Variants in MRPS12 observed in about 807,000 individuals in gnomAD.
MRPS12 encodes the protein mitochondrial ribosomal protein S12, also known as small ribosomal subunit protein uS12m.
A neutral mutation model predicts 8.4 loss-of-function variants in MRPS12; 7 were observed. That is an observed-to-expected ratio of 0.83 (90% CI 0.47 to 1.56). MRPS12 has a LOEUF of 1.56. Ranked by LOEUF, MRPS12 falls within the 40% of genes most tolerant of loss-of-function variation. The probability of loss-of-function intolerance (pLI) is 0.01; values close to 1 mark genes in which losing one functional copy is unlikely to be tolerated. For missense variants in MRPS12, 200 were observed against 194.1 expected (o/e 1.03, Z -0.18); for synonymous variants, 84 against 84.1 (o/e 1.00, Z 0.01).
In MRPS12 at chr19:38,931,519, C is replaced by T. The variant is rs1974749696; in HGVS notation, c.49+176C>T. The T allele has an allele frequency of 2.0e-5, 10 of 495,632 alleles. No individual in the cohort carries two copies. The East Asian group carries it at 3.4e-4, about 17-fold the overall frequency. 30.7% of individuals were successfully genotyped at this position (495,632 alleles called of 1,614,324 possible). A position where few individuals can be genotyped will look rare whatever the true frequency, so the allele number is the denominator to read the frequency against. ...TGGGAAGCAGCTGCATGGAGGGCTA[C>T]TGCGTGTCAAGCGGCGTTTGGGTCA... On this transcript the variant is annotated intron_variant, in intron 2 of 2. Transcript: ENST00000308018.
In MRPS12 at chr19:38,932,396, G is replaced by T; in HGVS notation, c.113G>T (p.Arg38Leu). Reference protein sequence around the residue: ...CSMATLNQMHRLGPPKRPPRK... With the variant: ...CSMATLNQMHLLGPPKRPPRK... ...ATGGCTACCCTGAACCAGATGCACCGCCTGGGGCCCCCCAAGCGGCCGCCT... is the reference window on the plus strand; with the variant it reads ...ATGGCTACCCTGAACCAGATGCACCTCCTGGGGCCCCCCAAGCGGCCGCCT... The change falls in exon 3 of 3, where the codon CGC (arginine) becomes CTC (leucine). Residue 38 changes from arginine (R) to leucine (L), a missense_variant. Physicochemically the swap from Arg to Leu is moderately radical, Grantham distance 102. Transcript: ENST00000308018. 3 of 1,602,542 alleles carry T rather than the reference G, an allele frequency of 1.9e-6. No homozygotes were observed. The South Asian group carries it at 3.3e-5, about 18-fold the overall frequency.
intron 2 of MRPS12, 107 bp downstream of exon 2, chr19:38,931,450 A>T (rs971671417): frequency 8.7e-7 from 1 of 1,154,462 alleles, no homozygotes; most frequent in African/African-American, 1.6e-5. Context: ...GGGTGGAAAA[A>T]CACGGTGGGG....
At chr19:38,931,382 G>A (rs773026377) in intron 2 of MRPS12, 39 bp downstream of exon 2, 2 of 1,540,274 alleles carry the variant, frequency 1.3e-6, no homozygotes, top group African/African-American at 2.8e-5. Flanking sequence ...GAGGCTAGAG[G>A]GGGAGGGTTA....
chr19:38,932,757 G>C lies in MRPS12; in HGVS notation c.*57G>C. On this transcript the variant is annotated 3_prime_UTR_variant, in exon 3 of 3. Transcript: ENST00000308018. ...GCAGAACATGAACCTTCCGCTCCTG[G>C]CTGCCACAGGGTCCTCCGATGCTGG... 6.3e-7 allele frequency: 1 copy of C among 1,576,126 alleles called. No homozygotes were observed. Among genetic ancestry groups the C allele is most frequent in the Non-Finnish European group, 8.6e-7 (1 of 1,163,812 alleles).
chr19:38,932,832 C>A lies in MRPS12; in HGVS notation c.*132C>A. ...CTCATGGATTCAAGTCCTGGCTCCG[C>A]CTCTTCCATCAGGACCACTATTAAG... is the stretch of plus-strand genomic sequence containing the variant. On this transcript the variant is annotated 3_prime_UTR_variant, in exon 3 of 3. Transcript: ENST00000308018. 1 of 1,278,952 alleles carries A rather than the reference C, an allele frequency of 7.8e-7. No homozygotes were observed. Among genetic ancestry groups the A allele is most frequent in the Non-Finnish European group, 1.1e-6 (1 of 940,052 alleles). 79.2% of individuals were successfully genotyped at this position (1,278,952 alleles called of 1,614,324 possible).
At chr19:38,931,061 C>T (rs1974738214) in intron 1 of MRPS12, 63 bp downstream of exon 1, 1 of 602,084 alleles carries the variant, frequency 1.7e-6, no homozygotes, top group Non-Finnish European at 3.0e-6. Flanking sequence ...CCAGTTCTTC[C>T]TGCGTGCGGG....
In MRPS12 at chr19:38,932,951, G is replaced by A. The variant is rs1974790771; in HGVS notation, c.*251G>A. The stretch of plus-strand genomic sequence containing the variant: ...TGGCCTGAAGGACCTTTTCTGCTGG[G>A]ACAAGACACTGTACTGCCCTCTGCT... On this transcript the variant is annotated 3_prime_UTR_variant, in exon 3 of 3. Coordinates refer to ENST00000308018, the MANE Select transcript of MRPS12 (RefSeq NM_033362.4). 3.7e-6 allele frequency: 2 copies of A among 544,528 alleles called. No homozygotes were observed. Among genetic ancestry groups the A allele is most frequent in the Non-Finnish European group, 6.5e-6 (2 of 307,180 alleles). 33.7% of individuals were successfully genotyped at this position (544,528 alleles called of 1,614,324 possible).
chr19:38,932,287 C>G, intron 2 of MRPS12, 46 bp from the exon 3 acceptor site: 2 of 1,495,464 alleles, frequency 1.3e-6, no homozygotes, highest in South Asian at 2.7e-5. Flanking sequence ...TGCTACTACT[C>G]TAAGATCTGT....
Position 38,932,588 on chromosome 19 carries a change from T to G in MRPS12, c.305T>G (p.Leu102Arg), listed in dbSNP as rs1974780233. Residue 102 changes from leucine to arginine, a missense_variant, in exon 3 of 3, where the codon CTG becomes CGG. Transcript: ENST00000308018. Reference protein sequence around the residue: ...VCFIPGEGHTLQEHQIVLVEG... With the variant: ...VCFIPGEGHTRQEHQIVLVEG... ...TTCATCCCTGGGGAGGGCCACACCCTGCAGGAGCACCAGATTGTCCTTGTG... is the reference window on the plus strand; with the variant it reads ...TTCATCCCTGGGGAGGGCCACACCCGGCAGGAGCACCAGATTGTCCTTGTG... 2 of 1,613,724 alleles carry G rather than the reference T, an allele frequency of 1.2e-6. No individual in the cohort carries two copies. The highest frequency in any genetic ancestry group is 2.2e-5 in the South Asian group (2 of 91,074).
In MRPS12 at chr19:38,932,668, A is replaced by G. The variant is rs968227357; in HGVS notation, c.385A>G (p.Lys129Glu). The stretch of plus-strand genomic sequence containing the variant: ...CGTCAAGCTCACCGTTGTGCGTGGC[A>G]AGTACGACTGTGGCCACGTGCAGAA... ...PGVKLTVVRG[K>E]YDCGHVQKK is the part of the protein sequence containing the mutation. The change falls in exon 3 of 3, where the codon AAG becomes GAG. Residue 129 changes from lysine (K) to glutamate (E), a missense_variant. Lys to Glu is a moderately conservative substitution (Grantham distance 56). Transcript: ENST00000308018. 3.1e-6 allele frequency: 5 copies of G among 1,613,450 alleles called. No individual in the cohort carries two copies. The African/African-American group carries it at 6.7e-5, about 22-fold the overall frequency.
chr19:38,931,191 C>A, intron 1 of MRPS12, 85 bp from the exon 2 acceptor site: 1 of 1,078,590 alleles, frequency 9.3e-7, no homozygotes, highest in Non-Finnish European at 1.4e-6. Flanking sequence ...TTGATTTAAG[C>A]CAGAAAGTCC....
chr19:38,931,195 A>C (rs1974741471), intron 1 of MRPS12, 81 bp from the exon 2 acceptor site: 2 of 1,114,652 alleles, frequency 1.8e-6, no homozygotes, highest in South Asian at 1.5e-5. Context: ...TTTAAGCCAG[A>C]AAGTCCTGAG....
chr19:38,931,203 G>A (rs1974741641), intron 1 of MRPS12, 73 bp from the exon 2 acceptor site: 2 of 1,201,454 alleles, frequency 1.7e-6, no homozygotes, highest in East Asian at 2.4e-5. Context: ...AGAAAGTCCT[G>A]AGAGCGGATC....
chr19:38,932,230 A>G lies in MRPS12; in HGVS notation c.50-103A>G, dbSNP rs1974766453. 5 of 1,222,062 alleles carry G rather than the reference A, an allele frequency of 4.1e-6. No individual in the cohort carries two copies. In the East Asian group the frequency reaches 7.5e-5, roughly 18 times the overall value. The allele number at this position is 1,222,062 out of a possible 1,614,324, so 75.7% of individuals were successfully genotyped here. On this transcript the variant is annotated intron_variant, in intron 2 of 2. Coordinates refer to ENST00000308018, the MANE Select transcript of MRPS12 (RefSeq NM_033362.4). ...GATAACATTAGATGTGAACAAATGC[A>G]TCTTTGTAAAGTGCTTTAAACAATG...
Position 38,932,889 on chromosome 19 carries a change from C to A in MRPS12, c.*189C>A. On this transcript the variant is annotated 3_prime_UTR_variant, in exon 3 of 3. Coordinates refer to ENST00000308018, the MANE Select transcript of MRPS12 (RefSeq NM_033362.4). The stretch of plus-strand genomic sequence containing the variant: ...GAGTCCTGGGGGTGCAAAGGGTGCC[C>A]CTCTGTCAACACCCTTGGCTCCTGT... 1 of 775,180 alleles carries A rather than the reference C, an allele frequency of 1.3e-6. No homozygotes were observed. The highest frequency in any genetic ancestry group is 2.0e-6 in the Non-Finnish European group (1 of 499,764). 48.0% of individuals were successfully genotyped at this position (775,180 alleles called of 1,614,324 possible).
At position 38,932,656 on chromosome 19, in the gene MRPS12, G is replaced by A. The variant is rs143918075; in HGVS notation, c.373G>A (p.Val125Ile). The A allele has an allele frequency of 1.8e-5, 29 of 1,613,700 alleles. No individual in the cohort carries two copies. The highest frequency in any genetic ancestry group is 4.5e-5 in the East Asian group (2 of 44,884). The change falls in exon 3 of 3, where the codon GTT becomes ATT. Residue 125 changes from valine to isoleucine, a missense_variant. By Grantham distance (29) the Val-to-Ile change is conservative (BLOSUM62 3). Coordinates refer to ENST00000308018, the MANE Select transcript of MRPS12 (RefSeq NM_033362.4). ...TQDLPGVKLT[V>I]VRGKYDCGHV... ...GGACCTGCCAGGCGTCAAGCTCACC[G>A]TTGTGCGTGGCAAGTACGACTGTGG... is the stretch of plus-strand genomic sequence containing the variant.
chr19:38,932,351 G>C lies in MRPS12; in HGVS notation c.68G>C (p.Arg23Pro), dbSNP rs780728539. 15 of 1,539,326 alleles carry C rather than the reference G, an allele frequency of 9.7e-6. No homozygotes were observed. The highest frequency in any genetic ancestry group is 4.1e-5 in the Admixed American group (2 of 49,244). ...TCTCCAGGCCCAGCTCTGGTTCCCCGGCTCTGGGCTACCTGCTCCATGGCT... is the reference window on the plus strand; with the variant it reads ...TCTCCAGGCCCAGCTCTGGTTCCCCCGCTCTGGGCTACCTGCTCCATGGCT... ...SLTCGPALVP[R>P]LWATCSMATL... The change falls in exon 3 of 3, where the codon CGG becomes CCG. Residue 23 changes from arginine (R) to proline (P), a missense_variant. Transcript: ENST00000308018.
intron 2 of MRPS12, among the ~76,000 whole-genome samples, chr19:38,932,049 T>C (rs1974761129): frequency 6.6e-6 from 1 of 151,002 alleles, no homozygotes; most frequent in African/African-American, 2.4e-5. Flanking sequence ...GACAGGAGAA[T>C]TGCTTGAACC....
In MRPS12 at chr19:38,932,557, G is replaced by T; in HGVS notation, c.274G>T (p.Val92Phe). Residue 92 changes from valine to phenylalanine, a missense_variant, in exon 3 of 3, where the codon GTC (valine) becomes TTC (phenylalanine). Val to Phe is a conservative substitution (Grantham distance 50). Transcript: ENST00000308018. ...GCGGCTCAGCACTGGCCGCGAGGCC[G>T]TCTGCTTCATCCCTGGGGAGGGCCA... ...RVRLSTGREA[V>F]CFIPGEGHTL... The T allele has an allele frequency of 1.2e-6, 2 of 1,613,050 alleles. No homozygotes were observed. Among genetic ancestry groups the T allele is most frequent in the Non-Finnish European group, 1.7e-6 (2 of 1,179,440 alleles).
Sources: allele counts gnomAD v4.1 joint callset (sites outside exome capture counted in the v4.1 genomes callset), GRCh38; gene constraint gnomAD v4.1.1; transcripts MANE v1.5; gene names NCBI Gene and HGNC (gene_info 2026-07-23, HGNC 2026-07-21).